NCKAP5: variants seen among roughly 807,000 people sequenced by gnomAD.
The protein encoded by NCKAP5 is NCK associated protein 5, also known as nck-associated protein 5.
Under a neutral mutation model 167.0 loss-of-function variants are expected in NCKAP5, and 92 were observed. The observed-to-expected ratio is 0.55, with a 90% confidence interval of 0.47 to 0.66. NCKAP5 has a LOEUF of 0.66. Among genes scored for constraint, NCKAP5 ranks in the 30% least tolerant of loss-of-function variants. NCKAP5 has a pLI of 0.00. For missense variants in NCKAP5, 2,378 were observed against 2,315.0 expected, an observed-to-expected ratio of 1.03 and a Z score of -0.56; for synonymous variants, 891 against 877.4, an observed-to-expected ratio of 1.02 and a Z score of -0.27.
At chr2:133,441,758 C>T (rs1348832075) in intron 3 of NCKAP5, among the ~76,000 whole-genome samples, 1 of 152,176 alleles carries the variant, frequency 6.6e-6, no homozygotes, top group Non-Finnish European at 1.5e-5. Flanking sequence ...TGGTTGCCTC[C>T]TCTTCCCTTT....
At chr2:133,559,862 C>G (rs1187681163) in intron 1 of NCKAP5, among the ~76,000 whole-genome samples, 1 of 152,180 alleles carries the variant, frequency 6.6e-6, no homozygotes, top group Non-Finnish European at 1.5e-5. Flanking sequence ...TCACAGCATA[C>G]AGGGCTCTAG....
At chr2:132,908,040 C>T (rs191166195) in intron 8 of NCKAP5, among the ~76,000 whole-genome samples, 21 of 152,246 alleles carry the variant, frequency 1.4e-4, no homozygotes, top group Non-Finnish European at 2.6e-4. Flanking sequence ...GCTTATTAGT[C>T]ACAATAAGCA....
At chr2:132,944,170 G>A (rs1000404201) in intron 8 of NCKAP5, among the ~76,000 whole-genome samples, 2 of 152,156 alleles carry the variant, frequency 1.3e-5, no homozygotes, top group African/African-American at 4.8e-5. Flanking sequence ...GAAATGTTTT[G>A]GGGGCAGGGG....
chr2:133,330,052 CCTTTT>C (rs1682729740), intron 3 of NCKAP5, among the ~76,000 whole-genome samples: 1 of 125,968 alleles, frequency 7.9e-6, no homozygotes, highest in Non-Finnish European at 1.7e-5. Context: ...GAAAGCAAGA[CCTTTT>C]TTTTTTTTTT....
At chr2:133,384,550 G>T (rs1010172856) in intron 3 of NCKAP5, among the ~76,000 whole-genome samples, 2 of 152,158 alleles carry the variant, frequency 1.3e-5, no homozygotes, top group Non-Finnish European at 2.9e-5. Context: ...CTCTTTTTTG[G>T]TTCCATGTGA....
Position 132,773,884 on chromosome 2 carries a change from G to A in NCKAP5, c.5060C>T (p.Ala1687Val). 1 of 1,609,452 alleles carries A rather than the reference G, an allele frequency of 6.2e-7. No individual in the cohort carries two copies. The highest frequency in any genetic ancestry group is 8.5e-7 in the Non-Finnish European group (1 of 1,178,530). ...EVPKDSLVKE[A>V]NENLQEDEDD... ...TTCATCCTCTTGCAAGTTTTCATTT[G>A]CCTCTTTTACCTGCAGGAAGAAGAA... is the stretch of plus-strand genomic sequence containing the variant. Residue 1687 changes from alanine to valine, a missense_variant, in exon 16 of 20, where the codon GCA becomes GTA. Coordinates refer to ENST00000409261, the MANE Select transcript of NCKAP5 (RefSeq NM_207363.3).
intron 3 of NCKAP5, among the ~76,000 whole-genome samples, chr2:133,477,044 T>C (rs928297882): frequency 6.6e-6 from 1 of 152,204 alleles, no homozygotes; most frequent in African/African-American, 2.4e-5. Flanking sequence ...CTTTTGTTGG[T>C]CAGTCTCAAT....
intron 2 of NCKAP5, among the ~76,000 whole-genome samples, chr2:133,547,568 C>A (rs1481487049): frequency 4.0e-5 from 6 of 151,680 alleles, no homozygotes; most frequent in Non-Finnish European, 7.4e-5. Context: ...GGGTCCCTGA[C>A]CCCTGACCCC....
rs765996529 is a variant in NCKAP5, at chr2:132,773,839, G to A, written c.5105C>T (p.Ser1702Phe). The A allele has an allele frequency of 1.9e-6, 3 of 1,611,370 alleles. No homozygotes were observed. The highest frequency in any genetic ancestry group is 8.5e-7 in the Non-Finnish European group (1 of 1,179,076). The change falls in exon 16 of 20, where the codon TCT (serine) becomes TTT (phenylalanine). Residue 1702 changes from serine (S) to phenylalanine (F), a missense_variant. By Grantham distance (155) the Ser-to-Phe change is radical (BLOSUM62 -2). Coordinates refer to ENST00000409261, the MANE Select transcript of NCKAP5 (RefSeq NM_207363.3). ...ACCTATGATGTGGCTCTGAAATACA[G>A]AATCTGCAACTGCATCGTCTTCATC... ...QEDEDDAVAD[S>F]VFQSHIIESN...
At chr2:133,557,153 C>T (rs1687798163) in intron 2 of NCKAP5, among the ~76,000 whole-genome samples, 1 of 152,192 alleles carries the variant, frequency 6.6e-6, no homozygotes, top group African/African-American at 2.4e-5. Flanking sequence ...TGGCCGATAG[C>T]TTGTCTTTCC....
intron 4 of NCKAP5, among the ~76,000 whole-genome samples, chr2:133,230,126 T>A (rs2087075292): frequency 6.6e-6 from 1 of 152,094 alleles, no homozygotes; most frequent in Non-Finnish European, 1.5e-5. Flanking sequence ...CCAGACAAGA[T>A]CTGCCATGTT....
intron 3 of NCKAP5, among the ~76,000 whole-genome samples, chr2:133,389,111 C>T (rs1244766217): frequency 1.3e-5 from 2 of 152,190 alleles, no homozygotes; most frequent in African/African-American, 2.4e-5. Context: ...CAGAAATCAC[C>T]CGTCTTCTGC....
chr2:132,949,010 A>AAAAGC, intron 8 of NCKAP5, among the ~76,000 whole-genome samples: 1 of 114,888 alleles, frequency 8.7e-6, no homozygotes, highest in Non-Finnish European at 1.6e-5. Context: ...AAATGAAAAG[A>AAAAGC]AAAGAAAAGA....
At chr2:133,450,520 C>T (rs1368590817) in intron 3 of NCKAP5, among the ~76,000 whole-genome samples, 1 of 152,146 alleles carries the variant, frequency 6.6e-6, no homozygotes, top group Non-Finnish European at 1.5e-5. Context: ...GCTTATAGCC[C>T]TCTGATGAGT....
At chr2:132,820,461 C>T (rs1361584660) in intron 11 of NCKAP5, among the ~76,000 whole-genome samples, 1 of 152,096 alleles carries the variant, frequency 6.6e-6, no homozygotes, top group Admixed American at 6.6e-5. Context: ...ATCTCCTGAA[C>T]TTGTGATCTG....
In NCKAP5 at chr2:132,983,567, T is replaced by TA. The variant is rs540523115; in HGVS notation, c.429+10584dup. Reference sequence around the variant, plus strand: ...TCCTGCATCTATTGAGATACTCATTTAAAAAATGGTCTACAATTTCCCTTT... The same window carrying TA: ...TCCTGCATCTATTGAGATACTCATTTAAAAAAATGGTCTACAATTTCCCTTT... On this transcript the variant is annotated intron_variant, in intron 7 of 19. Transcript: ENST00000409261. Among the ~76,000 whole-genome samples, 676 of 152,324 alleles carry TA rather than the reference T, an allele frequency of 4.4e-3. 4 individuals are homozygous for TA. Among genetic ancestry groups the TA allele is most frequent in the African/African-American group, 0.015 (643 of 41,572 alleles).
At chr2:132,829,438 C>A (rs1687364701) in intron 11 of NCKAP5, among the ~76,000 whole-genome samples, 1 of 152,128 alleles carries the variant, frequency 6.6e-6, no homozygotes, top group African/African-American at 2.4e-5. Flanking sequence ...AACCTATGGA[C>A]AAAATCCCTG....
chr2:133,310,355 C>T (rs908420047), intron 3 of NCKAP5, among the ~76,000 whole-genome samples: 6 of 152,230 alleles, frequency 3.9e-5, no homozygotes, highest in African/African-American at 1.4e-4. Context: ...TTGAATTCCT[C>T]TTTCCCATTG....
At chr2:133,363,726 ACT>A (rs1685271615) in intron 3 of NCKAP5, among the ~76,000 whole-genome samples, 1 of 152,064 alleles carries the variant, frequency 6.6e-6, no homozygotes, top group Admixed American at 6.6e-5. Flanking sequence ...TACAAAGAAG[ACT>A]CTCAAAAATA....
Sources: gnomAD v4.1 joint callset for allele counts (sites outside exome capture counted in the v4.1 genomes callset) on GRCh38, gnomAD v4.1.1 for gene constraint, MANE v1.5 for transcripts, NCBI Gene and HGNC (gene_info 2026-07-23, HGNC 2026-07-21) for gene names.